The following ZNF346 variants were observed in gnomAD, a reference collection of about 807,000 sequenced individuals.
ZNF346 encodes double-stranded RNA-binding zinc finger protein JAZ.
A neutral mutation model predicts 33.7 loss-of-function variants in ZNF346; 23 were observed. That is an observed-to-expected ratio of 0.68 (90% CI 0.49 to 0.97). ZNF346 has a LOEUF of 0.97. Among genes scored for constraint, ZNF346 ranks in the 50% least tolerant of loss-of-function variants. The pLI, the probability that ZNF346 is intolerant of heterozygous loss-of-function variation, is 0.00. For missense variants in ZNF346, 340 were observed against 371.1 expected (o/e 0.92, Z 0.69); for synonymous variants, 134 against 142.4 (o/e 0.94, Z 0.42).
chr5:177,028,199 G>T (rs1777100807), intron 1 of ZNF346, among the ~76,000 whole-genome samples: 1 of 149,808 alleles, frequency 6.7e-6, no homozygotes, highest in African/African-American at 2.5e-5. Context: ...ACCATGCCCG[G>T]CTAACTTTTT....
At chr5:177,058,760 C>G (rs1474894669) in intron 5 of ZNF346, among the ~76,000 whole-genome samples, 1 of 152,192 alleles carries the variant, frequency 6.6e-6, no homozygotes, top group Non-Finnish European at 1.5e-5. Context: ...GCATACTTGG[C>G]AGGAGGCTCT....
chr5:177,036,971 A>G (rs560040156), intron 1 of ZNF346, among the ~76,000 whole-genome samples: 6 of 152,184 alleles, frequency 3.9e-5, no homozygotes, highest in African/African-American at 1.4e-4. Flanking sequence ...ATCTGGGGAA[A>G]AAAAAAAGCC....
chr5:177,056,740 G>A (rs555264650), intron 5 of ZNF346, among the ~76,000 whole-genome samples: 82 of 140,496 alleles, frequency 5.8e-4, no homozygotes, highest in African/African-American at 2.1e-3. Context: ...ACAGGGTGGG[G>A]AACATCACAC....
intron 5 of ZNF346, among the ~76,000 whole-genome samples, chr5:177,056,018 G>A (rs1224024961): frequency 6.7e-6 from 1 of 149,122 alleles, no homozygotes; most frequent in Non-Finnish European, 1.5e-5. Context: ...GGAGGTTGCA[G>A]TGAGCCAAGA....
chr5:177,074,893 C>T (rs368686153), intron 8 of ZNF346, among the ~76,000 whole-genome samples: 38 of 151,426 alleles, frequency 2.5e-4, no homozygotes, highest in Middle Eastern at 3.4e-3. Context: ...CGGTGAAACC[C>T]GTCTCTACTA....
chr5:177,050,981 C>T (rs1780781062), intron 5 of ZNF346, 45 bp downstream of exon 5: 4 of 1,509,230 alleles, frequency 2.7e-6, no homozygotes, highest in Non-Finnish European at 3.7e-6. Context: ...AGGGTTTGGC[C>T]ACTGGGGCTA....
intron 1 of ZNF346, among the ~76,000 whole-genome samples, chr5:177,040,364 G>A (rs1484644634): frequency 6.6e-6 from 1 of 151,566 alleles, no homozygotes; most frequent in African/African-American, 2.4e-5. Context: ...TATTTATTTA[G>A]AGACAGAGTC....
At chr5:177,056,075 CA>C (rs386405776) in intron 5 of ZNF346, among the ~76,000 whole-genome samples, 208 of 97,082 alleles carry the variant, frequency 2.1e-3, no homozygotes, top group Middle Eastern at 5.6e-3. Flanking sequence ...GACTCCGTCT[CA>C]AAAAAAAAAA....
chr5:177,034,051 T>G (rs1286979101), intron 1 of ZNF346, among the ~76,000 whole-genome samples: 1 of 151,914 alleles, frequency 6.6e-6, no homozygotes, highest in African/African-American at 2.4e-5. Context: ...CCAGCTAATT[T>G]TTTGTAGTTT....
intron 5 of ZNF346, among the ~76,000 whole-genome samples, chr5:177,059,547 A>G (rs1274541252): frequency 1.3e-5 from 2 of 152,182 alleles, no homozygotes; most frequent in African/African-American, 4.8e-5. Context: ...TAAAACCTAC[A>G]TAGCATTCAG....
rs1783301113 is a variant in ZNF346 at position 177,067,814 on chromosome 5, A to G, written c.*3215A>G. Among the ~76,000 whole-genome samples the G allele has an allele frequency of 6.6e-6, 1 of 152,128 alleles. No homozygotes were observed. Among genetic ancestry groups the G allele is most frequent in the Admixed American group, 6.6e-5 (1 of 15,254 alleles). Reference sequence around the variant, plus strand: ...TGAGCTAAGAGTTAATATTCCATATAGAGAAGGAGGCCAGGCAGGGTGGCT... The same window carrying G: ...TGAGCTAAGAGTTAATATTCCATATGGAGAAGGAGGCCAGGCAGGGTGGCT... On this transcript the variant is annotated 3_prime_UTR_variant, in exon 7 of 7. Transcript: ENST00000358149.
chr5:177,064,315 T>C (rs1782921568), intron 6 of ZNF346, among the ~76,000 whole-genome samples, 197 bp from the exon 7 acceptor site: 1 of 152,200 alleles, frequency 6.6e-6, no homozygotes, highest in African/African-American at 2.4e-5. Flanking sequence ...GTGCTGTTTC[T>C]CACCTTGCAG....
chr5:177,032,192 TG>T (rs1777827784), intron 1 of ZNF346, among the ~76,000 whole-genome samples: 1 of 151,760 alleles, frequency 6.6e-6, no homozygotes, highest in African/African-American at 2.4e-5. Flanking sequence ...TTAGTACAGA[TG>T]GAGTTTCACT....
chr5:177,023,541 T>C (rs1776216446), intron 1 of ZNF346, among the ~76,000 whole-genome samples: 1 of 152,190 alleles, frequency 6.6e-6, no homozygotes, highest in Admixed American at 6.5e-5. Context: ...CCAAAGTTGC[T>C]GAGAACAGTG....
At chr5:177,074,502 C>A (rs1783651290) in intron 8 of ZNF346, among the ~76,000 whole-genome samples, 1 of 152,164 alleles carries the variant, frequency 6.6e-6, no homozygotes, top group African/African-American at 2.4e-5. Flanking sequence ...CTGATTCACA[C>A]CAGGACTTAC....
chr5:177,041,914 C>G, intron 3 of ZNF346, 44 bp downstream of exon 3: 5 of 1,355,394 alleles, frequency 3.7e-6, no homozygotes, highest in Non-Finnish European at 5.3e-6. Context: ...CATGATGAAG[C>G]CAGCCAGCAG....
intron 6 of ZNF346, among the ~76,000 whole-genome samples, chr5:177,063,297 T>G (rs927777940): frequency 5.3e-5 from 8 of 152,184 alleles, no homozygotes; most frequent in Non-Finnish European, 1.0e-4. Flanking sequence ...TGCTTTGACT[T>G]TGGTCATTGA....
chr5:177,047,135 G>A (rs1348952403), intron 4 of ZNF346, among the ~76,000 whole-genome samples: 3 of 151,226 alleles, frequency 2.0e-5, no homozygotes, highest in Admixed American at 6.6e-5. Flanking sequence ...TGCAACCTCC[G>A]CCTCCTGGGT....
chr5:177,047,951 T>C (rs1032066887), intron 4 of ZNF346, among the ~76,000 whole-genome samples: 2 of 152,190 alleles, frequency 1.3e-5, no homozygotes, highest in Non-Finnish European at 2.9e-5. Context: ...ACAATTGCCT[T>C]CTATATGTTT....
Sources: allele counts gnomAD v4.1 joint callset (sites outside exome capture counted in the v4.1 genomes callset), GRCh38; gene constraint gnomAD v4.1.1; transcripts MANE v1.5; gene names NCBI Gene and HGNC (gene_info 2026-07-23, HGNC 2026-07-21).